Variants in PTPRD observed in about 807,000 individuals in gnomAD.
The protein encoded by PTPRD is receptor-type tyrosine-protein phosphatase delta.
In PTPRD, 34 loss-of-function variants were observed where a neutral mutation model predicts 214.5. The observed-to-expected ratio is 0.16, with a 90% CI of 0.12 to 0.21. The LOEUF (loss-of-function observed/expected upper bound fraction) is 0.21, where lower values mean the gene tolerates loss of function less well. PTPRD is among the 10% of genes least tolerant of loss of function. The pLI is 1.00. For missense variants in PTPRD, 2,545 were observed against 2,398.7 expected, an observed-to-expected ratio of 1.06 and a Z score of -1.27; for synonymous variants, 1,128 against 845.7, an observed-to-expected ratio of 1.33 and a Z score of -5.79.
At chr9:10,281,704 G>A (rs997831028) in intron 3 of PTPRD, among the ~76,000 whole-genome samples, 2 of 152,046 alleles carry the variant, frequency 1.3e-5, no homozygotes, top group African/African-American at 4.8e-5. Context: ...TGAATCCTTT[G>A]TAATACTCTG....
chr9:10,439,203 C>T lies in PTPRD; in HGVS notation c.-599-98186G>A, dbSNP rs1039906440. On this transcript the variant is annotated intron_variant, in intron 2 of 45. Transcript: ENST00000381196. Reference sequence around the variant, plus strand: ...AATACAGAGACCTTCGTTCAGACTCCGGCATGTTTTGTGTCACTCACGCGT... The same window carrying T: ...AATACAGAGACCTTCGTTCAGACTCTGGCATGTTTTGTGTCACTCACGCGT... Among the ~76,000 whole-genome samples the T allele has an allele frequency of 1.1e-4, 17 of 151,018 alleles. No homozygotes were observed. The East Asian group carries it at 2.9e-3, about 26-fold the overall frequency.
intron 8 of PTPRD, among the ~76,000 whole-genome samples, chr9:9,498,566 G>A (rs995061064): frequency 7.2e-5 from 11 of 152,016 alleles, no homozygotes; most frequent in Non-Finnish European, 1.6e-4. Flanking sequence ...GGCCTTTAGT[G>A]GCAGGCAGAT....
intron 9 of PTPRD, among the ~76,000 whole-genome samples, chr9:9,393,584 G>T (rs1392564018): frequency 6.6e-6 from 1 of 152,084 alleles, no homozygotes; most frequent in Non-Finnish European, 1.5e-5. Context: ...GCATCATGAG[G>T]AATAACAAAT....
intron 39 of PTPRD, among the ~76,000 whole-genome samples, chr9:8,375,490 A>C (rs1409444683): frequency 6.6e-6 from 1 of 152,082 alleles, no homozygotes; most frequent in Non-Finnish European, 1.5e-5. Flanking sequence ...TTAAGCAATA[A>C]GATAGTCTCC....
chr9:9,389,761 A>G (rs2065153317), intron 9 of PTPRD, among the ~76,000 whole-genome samples: 1 of 152,134 alleles, frequency 6.6e-6, no homozygotes, highest in Non-Finnish European at 1.5e-5. Flanking sequence ...TTACTTGTTT[A>G]TTTCTATAAT....
intron 14 of PTPRD, among the ~76,000 whole-genome samples, chr9:8,578,739 A>G (rs2092737725): frequency 6.6e-6 from 1 of 152,238 alleles, no homozygotes; most frequent in Non-Finnish European, 1.5e-5. Context: ...CTCAAGTGTC[A>G]ATTACAGGAT....
At chr9:10,017,344 G>C (rs191385021) in intron 4 of PTPRD, among the ~76,000 whole-genome samples, 3 of 151,402 alleles carry the variant, frequency 2.0e-5, no homozygotes, top group South Asian at 2.1e-4. Flanking sequence ...TACTGTTTAA[G>C]TTATATGTGT....
chr9:10,002,721 A>G (rs138911461), intron 4 of PTPRD, among the ~76,000 whole-genome samples: 2 of 151,670 alleles, frequency 1.3e-5, no homozygotes, highest in East Asian at 3.9e-4. Context: ...AGAGAGAAAT[A>G]GAAAATTTAA....
chr9:10,572,495 A>G (rs915265962), intron 2 of PTPRD, among the ~76,000 whole-genome samples: 1 of 152,192 alleles, frequency 6.6e-6, no homozygotes, highest in African/African-American at 2.4e-5. Context: ...GTAAAGTGGG[A>G]CAAAGAATGA....
intron 3 of PTPRD, among the ~76,000 whole-genome samples, chr9:10,183,105 C>G (rs538629298): frequency 6.6e-6 from 1 of 152,226 alleles, no homozygotes; most frequent in Non-Finnish European, 1.5e-5. Flanking sequence ...TGGATTTTAA[C>G]TACGACAACT....
chr9:10,586,077 AAC>A (rs1345745465), intron 2 of PTPRD, among the ~76,000 whole-genome samples: 1 of 152,110 alleles, frequency 6.6e-6, no homozygotes, highest in African/African-American at 2.4e-5. Context: ...TTCTTTTCAA[AAC>A]ACAGTGCAGT....
intron 8 of PTPRD, among the ~76,000 whole-genome samples, chr9:9,425,780 G>C (rs1337397000): frequency 1.3e-5 from 2 of 152,032 alleles, no homozygotes; most frequent in African/African-American, 4.8e-5. Context: ...TCAGCATCTT[G>C]AACTAATAAC....
chr9:9,325,413 T>C (rs1969464412), intron 9 of PTPRD, among the ~76,000 whole-genome samples: 1 of 152,220 alleles, frequency 6.6e-6, no homozygotes, highest in Non-Finnish European at 1.5e-5. Flanking sequence ...TTCATATCCC[T>C]TGCAAGTTGG....
At chr9:9,766,498 C>T (rs186320495) in intron 6 of PTPRD, among the ~76,000 whole-genome samples, 130 of 152,130 alleles carry the variant, frequency 8.5e-4, no homozygotes, top group African/African-American at 2.9e-3. Context: ...TCTTCAGAGT[C>T]ATTAAAGACA....
At chr9:8,699,527 C>A (rs1012514401) in intron 12 of PTPRD, among the ~76,000 whole-genome samples, 1 of 152,112 alleles carries the variant, frequency 6.6e-6, no homozygotes, top group African/African-American at 2.4e-5. Context: ...AGTAAACTGA[C>A]TCCATTGGAC....
chr9:9,513,597 A>G (rs7048518), intron 8 of PTPRD, among the ~76,000 whole-genome samples: 10,250 of 68,180 alleles, frequency 0.15, 472 homozygotes, highest in African/African-American at 0.3. Context: ...CAAAAAAAAA[A>G]CAAATAAAAA....
chr9:9,214,237 G>T (rs980875273), intron 9 of PTPRD, among the ~76,000 whole-genome samples: 3 of 152,184 alleles, frequency 2.0e-5, no homozygotes, highest in African/African-American at 7.2e-5. Context: ...AGTGATCAGT[G>T]CTCCAGATGC....
chr9:9,360,681 T>C (rs1244550707), intron 9 of PTPRD, among the ~76,000 whole-genome samples: 9 of 151,144 alleles, frequency 6.0e-5, no homozygotes, highest in African/African-American at 2.2e-4. Flanking sequence ...AAAGGTAAAA[T>C]GTTATTTAGC....
chr9:9,866,560 T>C (rs1342868367), intron 5 of PTPRD, among the ~76,000 whole-genome samples: 1 of 152,068 alleles, frequency 6.6e-6, no homozygotes, highest in Non-Finnish European at 1.5e-5. Flanking sequence ...TACATAACTA[T>C]CCGCTCAAAA....
Sources: allele counts gnomAD v4.1 joint callset (sites outside exome capture counted in the v4.1 genomes callset), GRCh38; gene constraint gnomAD v4.1.1; transcripts MANE v1.5; gene names NCBI Gene and HGNC (gene_info 2026-07-23, HGNC 2026-07-21).